PPFIA2: variants seen among roughly 807,000 people sequenced by gnomAD.
PPFIA2 encodes liprin-alpha-2.
PPFIA2 carries 46 observed loss-of-function variants against 175.5 expected under a neutral mutation model. The observed-to-expected ratio is 0.26, with a 90% CI of 0.21 to 0.34. The LOEUF (loss-of-function observed/expected upper bound fraction) is 0.34. PPFIA2 is among the 10% of genes least tolerant of loss of function. The pLI, the probability that PPFIA2 is intolerant of heterozygous loss-of-function variation, is 1.00. For missense variants in PPFIA2, 1,179 were observed against 1,506.1 expected, an observed-to-expected ratio of 0.78 and a Z score of 3.60; for synonymous variants, 568 against 511.4, an observed-to-expected ratio of 1.11 and a Z score of -1.49.
chr12:81,337,509 T>G (rs1296310343), intron 21 of PPFIA2, among the ~76,000 whole-genome samples: 1 of 152,212 alleles, frequency 6.6e-6, no homozygotes, highest in Non-Finnish European at 1.5e-5. Context: ...TCAAAGGTTC[T>G]ATACTTTTCT....
chr12:81,511,411 T>C (rs1221614195), intron 4 of PPFIA2, among the ~76,000 whole-genome samples: 1 of 152,114 alleles, frequency 6.6e-6, no homozygotes, highest in African/African-American at 2.4e-5. Flanking sequence ...TCAAGATTTA[T>C]AAACAATAAT....
At chr12:81,302,944 A>G (rs1175481544) in intron 22 of PPFIA2, among the ~76,000 whole-genome samples, 1 of 152,200 alleles carries the variant, frequency 6.6e-6, no homozygotes, top group Non-Finnish European at 1.5e-5. Context: ...TATTAAGGGT[A>G]GCACTAATTA....
At chr12:81,579,256 G>A (rs2153425395) in intron 4 of PPFIA2, among the ~76,000 whole-genome samples, 1 of 151,930 alleles carries the variant, frequency 6.6e-6, no homozygotes, top group Middle Eastern at 3.4e-3. Flanking sequence ...GAGGGATTGT[G>A]TACTCGAGGA....
chr12:81,321,057 G>GAGAGAGAGAGAC (rs2053552524), intron 22 of PPFIA2, among the ~76,000 whole-genome samples: 1 of 149,976 alleles, frequency 6.7e-6, no homozygotes, highest in South Asian at 2.1e-4. Flanking sequence ...AAATAAAACA[G>GAGAGAGAGAGAC]AGAGAGAGAG....
At position 81,621,370 on chromosome 12, in the gene PPFIA2, T is replaced by C. The variant is rs575709741; in HGVS notation, c.303+55421A>G. ...ACAAGAATCCACATTGTGTTGGTTCTTGCATGGCATTAATTGGACATTGAT... is the reference window on the plus strand; with the variant it reads ...ACAAGAATCCACATTGTGTTGGTTCCTGCATGGCATTAATTGGACATTGAT... On this transcript the variant is annotated intron_variant, in intron 4 of 32. Transcript: ENST00000549396. Among the ~76,000 whole-genome samples the C allele has an allele frequency of 4.6e-5, 7 of 152,364 alleles. No individual in the cohort carries two copies. The South Asian group carries it at 1.4e-3, about 32-fold the overall frequency.
intron 9 of PPFIA2, among the ~76,000 whole-genome samples, chr12:81,379,252 T>TA (rs1249951917): frequency 1.3e-5 from 2 of 152,020 alleles, no homozygotes; most frequent in African/African-American, 4.8e-5. Flanking sequence ...ACTTGCTACC[T>TA]ACAAAAAAAA....
chr12:81,561,820 T>C (rs1190463504), intron 4 of PPFIA2, among the ~76,000 whole-genome samples: 9 of 152,220 alleles, frequency 5.9e-5, no homozygotes, highest in Non-Finnish European at 2.9e-5. Context: ...AACTTTACCA[T>C]ATGTTCTTAA....
rs1567691255 is a variant in PPFIA2, at chr12:81,642,834, G to GTATATGTATGTATA, written c.303+33956_303+33957insTATACATACATATA. Among the ~76,000 whole-genome samples the GTATATGTATGTATA allele has an allele frequency of 3.6e-4, 12 of 32,916 alleles. 5 individuals carry two copies. The highest frequency in any genetic ancestry group is 7.9e-4 in the African/African-American group (6 of 7,604). The allele number at this position is 32,916 out of a possible 152,430, so 21.6% of individuals were successfully genotyped here. ...ATTACATACATGTATATGTATGTATGTATTACATACATATATAACATGTAT... is the reference window on the plus strand; with the variant it reads ...ATTACATACATGTATATGTATGTATGTATATGTATGTATATATTACATACATATATAACATGTAT... On this transcript the variant is annotated intron_variant, in intron 4 of 32. Coordinates refer to ENST00000549396, the MANE Select transcript of PPFIA2 (RefSeq NM_003625.5).
At chr12:81,378,571 A>G (rs2036927953) in intron 9 of PPFIA2, among the ~76,000 whole-genome samples, 1 of 152,082 alleles carries the variant, frequency 6.6e-6, no homozygotes, top group Non-Finnish European at 1.5e-5. Context: ...TTTTATCTCA[A>G]TGATGGTAGA....
At chr12:81,374,495 T>C (rs887212283) in intron 11 of PPFIA2, 139 bp downstream of exon 11, 5 of 871,750 alleles carry the variant, frequency 5.7e-6, no homozygotes, top group African/African-American at 5.2e-5. Context: ...AAGAAAAAAA[T>C]TGACTTAATA....
intron 4 of PPFIA2, among the ~76,000 whole-genome samples, chr12:81,633,987 G>C (rs2063700288): frequency 6.6e-6 from 1 of 152,000 alleles, no homozygotes. Context: ...CTATTCAAAA[G>C]CACTCTCTTG....
chr12:81,502,805 C>T (rs895647253), intron 4 of PPFIA2, among the ~76,000 whole-genome samples: 5 of 152,082 alleles, frequency 3.3e-5, no homozygotes, highest in Non-Finnish European at 5.9e-5. Flanking sequence ...CTTTTATCCT[C>T]ACTCAAGTTA....
intron 4 of PPFIA2, among the ~76,000 whole-genome samples, chr12:81,460,291 C>T (rs1228165858): frequency 1.3e-5 from 2 of 152,018 alleles, no homozygotes; most frequent in Admixed American, 6.6e-5. Flanking sequence ...TTCATTTGGT[C>T]CTCATTCTCT....
intron 8 of PPFIA2, among the ~76,000 whole-genome samples, chr12:81,390,974 T>A (rs2040008485): frequency 6.6e-6 from 1 of 151,876 alleles, no homozygotes; most frequent in Non-Finnish European, 1.5e-5. Flanking sequence ...TATATTTATA[T>A]TTACTCATTC....
intron 4 of PPFIA2, among the ~76,000 whole-genome samples, chr12:81,571,993 C>T (rs1404886670): frequency 6.6e-6 from 1 of 152,006 alleles, no homozygotes; most frequent in Non-Finnish European, 1.5e-5. Flanking sequence ...ATCATGTAGT[C>T]TTAATATGCA....
rs564464024 is a variant in PPFIA2 at position 81,281,370 on chromosome 12, C to T, written c.3099G>A (p.Gly1033=). Residue 1033 remains glycine, a synonymous_variant, in exon 27 of 33, where the codon GGG becomes GGA. Coordinates refer to ENST00000549396, the MANE Select transcript of PPFIA2 (RefSeq NM_003625.5). ...WIGNEWLPSL[G]LPQYRSYFME... is the part of the protein sequence containing the mutation. ...TAAAGTAACTTCTGTACTGAGGTAA[C>T]CCCAAGCTGGGAAGCCATTCATTTC... is the stretch of plus-strand genomic sequence containing the variant. 6.7e-5 allele frequency: 108 copies of T among 1,610,890 alleles called. No individual in the cohort carries two copies. In the South Asian group the frequency reaches 1.1e-3, roughly 16 times the overall value.
chr12:81,677,367 T>C (rs957266824), intron 3 of PPFIA2, among the ~76,000 whole-genome samples: 11 of 152,036 alleles, frequency 7.2e-5, no homozygotes, highest in East Asian at 5.8e-4. Context: ...TATGCTCTTC[T>C]GGCTATCATG....
At chr12:81,564,093 A>T (rs2895886) in intron 4 of PPFIA2, among the ~76,000 whole-genome samples, 81,590 of 152,006 alleles carry the variant, frequency 0.54, 22,396 homozygotes, top group African/African-American at 0.64. Flanking sequence ...CAAACATCAC[A>T]CACTCATTTT....
At chr12:81,545,853 C>T (rs1454445244) in intron 4 of PPFIA2, 1 of 152,254 alleles carries the variant, frequency 6.6e-6, no homozygotes, top group East Asian at 1.9e-4. Context: ...GGCCAGGCGC[C>T]ATGGCTCATG....
Sources: allele counts gnomAD v4.1 joint callset (sites outside exome capture counted in the v4.1 genomes callset), GRCh38; gene constraint gnomAD v4.1.1; transcripts MANE v1.5; gene names NCBI Gene and HGNC (gene_info 2026-07-23, HGNC 2026-07-21).